KLHL1: variants seen among roughly 807,000 people sequenced by gnomAD.
KLHL1 encodes the protein kelch like family member 1.
A neutral mutation model predicts 77.7 loss-of-function variants in KLHL1; 47 were observed. The observed-to-expected ratio is 0.60, with a 90% CI of 0.48 to 0.77. The LOEUF (loss-of-function observed/expected upper bound fraction) is 0.77. Ranked by LOEUF, KLHL1 falls within the 30% of genes least tolerant of loss-of-function variation. The pLI is 0.00. For synonymous variants in KLHL1, 360 were observed against 325.2 expected (o/e 1.11, Z -1.15); for missense variants, 925 against 910.8 (o/e 1.02, Z -0.20).
At chr13:69,724,310 T>G (rs971481282) in intron 8 of KLHL1, among the ~76,000 whole-genome samples, 3 of 152,146 alleles carry the variant, frequency 2.0e-5, no homozygotes, top group Non-Finnish European at 2.9e-5. Context: ...GCACATGTCG[T>G]CAGGACCTCC....
intron 1 of KLHL1, among the ~76,000 whole-genome samples, chr13:70,041,048 T>C (rs1886367175): frequency 6.6e-6 from 1 of 152,178 alleles, no homozygotes; most frequent in Non-Finnish European, 1.5e-5. Context: ...AATTTTACTT[T>C]AGATATTATA....
intron 4 of KLHL1, among the ~76,000 whole-genome samples, chr13:69,922,142 T>G (rs1426588187): frequency 1.3e-5 from 2 of 152,024 alleles, no homozygotes; most frequent in African/African-American, 4.8e-5. Flanking sequence ...AAAGAATATC[T>G]CACCTTGTTA....
At chr13:69,842,279 T>C (rs560501304) in intron 5 of KLHL1, among the ~76,000 whole-genome samples, 1 of 151,830 alleles carries the variant, frequency 6.6e-6, no homozygotes, top group South Asian at 2.1e-4. Context: ...GGGAGAAATA[T>C]TAGCAAATTA....
intron 1 of KLHL1, among the ~76,000 whole-genome samples, chr13:69,987,326 G>C (rs1442671117): frequency 6.6e-6 from 1 of 151,938 alleles, no homozygotes; most frequent in African/African-American, 2.4e-5. Flanking sequence ...ATACAATAAT[G>C]AAAGAAAACT....
At chr13:69,802,932 A>C (rs768408538) in intron 6 of KLHL1, 1 of 152,156 alleles carries the variant, frequency 6.6e-6, no homozygotes, top group Non-Finnish European at 1.5e-5. Context: ...TATAAAAAGT[A>C]TTTATAAGGC....
At chr13:70,080,512 T>A (rs574390253) in intron 1 of KLHL1, among the ~76,000 whole-genome samples, 1 of 152,228 alleles carries the variant, frequency 6.6e-6, no homozygotes, top group Non-Finnish European at 1.5e-5. Context: ...ATAAATATGC[T>A]GACAAAATAA....
chr13:70,047,090 G>A (rs1053114229), intron 1 of KLHL1, among the ~76,000 whole-genome samples: 2 of 151,904 alleles, frequency 1.3e-5, no homozygotes, highest in Non-Finnish European at 2.9e-5. Context: ...AAACCCAACA[G>A]TGAACACAAT....
At chr13:70,055,383 T>G (rs919790934) in intron 1 of KLHL1, among the ~76,000 whole-genome samples, 1 of 152,016 alleles carries the variant, frequency 6.6e-6, no homozygotes, top group African/African-American at 2.4e-5. Flanking sequence ...AGCTGAGGGA[T>G]TTCAACACCA....
chr13:69,716,661 A>G (rs1360781710), intron 9 of KLHL1, among the ~76,000 whole-genome samples: 1 of 152,020 alleles, frequency 6.6e-6, no homozygotes, highest in Non-Finnish European at 1.5e-5. Flanking sequence ...GTTCTGATCT[A>G]TTTTTACTCA....
At chr13:69,942,772 G>C (rs770062685) in intron 3 of KLHL1, among the ~76,000 whole-genome samples, 33 of 152,074 alleles carry the variant, frequency 2.2e-4, no homozygotes, top group Non-Finnish European at 4.1e-4. Flanking sequence ...TATCAGCTAA[G>C]AACAAAGGTA....
chr13:70,101,915 T>C (rs1887931938), intron 1 of KLHL1, among the ~76,000 whole-genome samples: 2 of 143,084 alleles, frequency 1.4e-5, no homozygotes, highest in Non-Finnish European at 3.0e-5. Flanking sequence ...TAAATAATAG[T>C]AAACTATGTA....
intron 7 of KLHL1, among the ~76,000 whole-genome samples, chr13:69,789,785 C>A (rs1164225380): frequency 2.0e-5 from 3 of 152,144 alleles, no homozygotes; most frequent in Non-Finnish European, 4.4e-5. Flanking sequence ...GTGCTTCCAA[C>A]AAGAGACTTT....
chr13:69,938,046 C>A (rs960759714), intron 4 of KLHL1, among the ~76,000 whole-genome samples: 2 of 151,996 alleles, frequency 1.3e-5, no homozygotes, highest in African/African-American at 4.8e-5. Flanking sequence ...AAAACACACA[C>A]AATATGTTTG....
At chr13:70,017,272 T>C (rs1885681058) in intron 1 of KLHL1, among the ~76,000 whole-genome samples, 2 of 152,146 alleles carry the variant, frequency 1.3e-5, no homozygotes, top group African/African-American at 2.4e-5. Flanking sequence ...GAAGCCCAAA[T>C]ATAGGGGCTC....
At chr13:70,038,684 G>A (rs750328902) in intron 1 of KLHL1, among the ~76,000 whole-genome samples, 3 of 139,730 alleles carry the variant, frequency 2.1e-5, no homozygotes, top group East Asian at 2.4e-4. Flanking sequence ...TCTGCCTCCC[G>A]GGTACAAGTG....
intron 6 of KLHL1, among the ~76,000 whole-genome samples, chr13:69,806,243 G>A (rs1006012517): frequency 2.0e-5 from 3 of 152,156 alleles, no homozygotes; most frequent in South Asian, 2.1e-4. Flanking sequence ...CTCAAGCACA[G>A]TTCACATGGC....
At chr13:69,839,863 C>T (rs1879172577) in intron 5 of KLHL1, among the ~76,000 whole-genome samples, 2 of 151,924 alleles carry the variant, frequency 1.3e-5, no homozygotes, top group Admixed American at 6.6e-5. Flanking sequence ...TTGCACACAT[C>T]CAAAGTATCT....
At chr13:69,923,677 T>C (rs17085652) in intron 4 of KLHL1, among the ~76,000 whole-genome samples, 6 of 152,136 alleles carry the variant, frequency 3.9e-5, no homozygotes, top group African/African-American at 1.4e-4. Flanking sequence ...GGAGAGTTAG[T>C]GAGAGACAAT....
intron 1 of KLHL1, among the ~76,000 whole-genome samples, chr13:70,003,456 G>A (rs1381355262): frequency 2.6e-5 from 4 of 151,566 alleles, no homozygotes; most frequent in Non-Finnish European, 4.4e-5. Flanking sequence ...ATCAAATGAG[G>A]TGTGCATCAT....
Sources: allele counts gnomAD v4.1 joint callset (sites outside exome capture counted in the v4.1 genomes callset), GRCh38; gene constraint gnomAD v4.1.1; transcripts MANE v1.5; gene names NCBI Gene and HGNC (gene_info 2026-07-23, HGNC 2026-07-21).